Variants in SEMA6D observed in about 807,000 individuals in gnomAD.
The protein encoded by SEMA6D is semaphorin-6D.
Under a neutral mutation model 106.6 loss-of-function variants are expected in SEMA6D, and 35 were observed. The ratio of observed to expected loss-of-function variants is 0.33; its 90% CI spans 0.25 to 0.44. SEMA6D has a LOEUF of 0.44. SEMA6D is among the 20% of genes least tolerant of loss of function. The pLI is 1.00. For missense variants in SEMA6D, 1,185 were observed against 1,345.9 expected (o/e 0.88, Z 1.87); for synonymous variants, 499 against 487.7 (o/e 1.02, Z -0.31).
intron 3 of SEMA6D, among the ~76,000 whole-genome samples, chr15:47,519,811 A>T: frequency 6.6e-6 from 1 of 152,124 alleles, no homozygotes; most frequent in South Asian, 2.1e-4. Context: ...CCTCTTGGGG[A>T]AGTGGCAAGG....
At chr15:47,601,270 T>A (rs142533957) in intron 4 of SEMA6D, among the ~76,000 whole-genome samples, 465 of 152,244 alleles carry the variant, frequency 3.1e-3, no homozygotes, top group Non-Finnish European at 4.9e-3. Context: ...AAGCCTATTT[T>A]GGAAGAATTA....
In SEMA6D at chr15:47,552,860, A is replaced by T. The variant is rs2045776587; in HGVS notation, c.-86-48005A>T. ...TATATATAAATATATATAAATATAT[A>T]TATATTTTTATATATATATAAATAT... On this transcript the variant is annotated intron_variant, in intron 3 of 19. Coordinates refer to the SEMA6D transcript ENST00000558014. Among the ~76,000 whole-genome samples, 2 of 72,356 alleles carry T rather than the reference A, an allele frequency of 2.8e-5. 1 individual carries two copies. Among genetic ancestry groups the T allele is most frequent in the South Asian group, 7.0e-4 (2 of 2,848 alleles). The allele number at this position is 72,356 out of a possible 152,430, so 47.5% of individuals were successfully genotyped here.
chr15:47,329,144 A>C (rs1055188299), intron 1 of SEMA6D, among the ~76,000 whole-genome samples: 1 of 152,180 alleles, frequency 6.6e-6, no homozygotes, highest in East Asian at 1.9e-4. Flanking sequence ...TTCTGTACTT[A>C]TGGAGCTTGC....
chr15:47,563,107 A>G (rs2046127064), intron 3 of SEMA6D, among the ~76,000 whole-genome samples: 1 of 152,166 alleles, frequency 6.6e-6, no homozygotes, highest in Non-Finnish European at 1.5e-5. Context: ...AATTTCATGT[A>G]TTTCATTTAT....
chr15:47,461,632 A>C (rs1189988289), intron 2 of SEMA6D, among the ~76,000 whole-genome samples: 1 of 152,088 alleles, frequency 6.6e-6, no homozygotes, highest in African/African-American at 2.4e-5. Flanking sequence ...TGAGGTGTAT[A>C]GGATGTTCGG....
At chr15:47,625,261 A>G (rs905690474) in intron 4 of SEMA6D, among the ~76,000 whole-genome samples, 7 of 152,150 alleles carry the variant, frequency 4.6e-5, no homozygotes, top group Non-Finnish European at 8.8e-5. Flanking sequence ...ATGCTATGAT[A>G]ATTGTTAAGG....
At chr15:47,257,778 A>G (rs1178413021) in intron 1 of SEMA6D, among the ~76,000 whole-genome samples, 1 of 151,750 alleles carries the variant, frequency 6.6e-6, no homozygotes, top group Non-Finnish European at 1.5e-5. Context: ...GGATTGTTCT[A>G]TATATGTCAA....
intron 1 of SEMA6D, among the ~76,000 whole-genome samples, chr15:47,321,306 C>T (rs1010014204): frequency 1.3e-5 from 2 of 152,110 alleles, no homozygotes; most frequent in Non-Finnish European, 2.9e-5. Context: ...TTTGGATCTT[C>T]CCCAGAAAGG....
chr15:47,258,398 A>G (rs1393653280), intron 1 of SEMA6D, among the ~76,000 whole-genome samples: 1 of 152,186 alleles, frequency 6.6e-6, no homozygotes, highest in African/African-American at 2.4e-5. Flanking sequence ...AAAGGCTAGC[A>G]TTTGAATCAG....
At chr15:47,641,845 C>A (rs1171018275) in intron 4 of SEMA6D, among the ~76,000 whole-genome samples, 1 of 152,184 alleles carries the variant, frequency 6.6e-6, no homozygotes, top group African/African-American at 2.4e-5. Flanking sequence ...AAAACACTCA[C>A]CCAAAATGTC....
At chr15:47,391,309 C>G (rs1192300058) in intron 1 of SEMA6D, among the ~76,000 whole-genome samples, 1 of 152,204 alleles carries the variant, frequency 6.6e-6, no homozygotes, top group Non-Finnish European at 1.5e-5. Flanking sequence ...GGAACTCTTT[C>G]TTGGGATGGA....
chr15:47,768,253 A>G (rs4775710), intron 17 of SEMA6D, among the ~76,000 whole-genome samples: 21,027 of 152,250 alleles, frequency 0.14, 2,288 homozygotes, highest in East Asian at 0.59. Flanking sequence ...ATGTCTCACA[A>G]GAGAAGGAAG....
intron 1 of SEMA6D, among the ~76,000 whole-genome samples, chr15:47,734,454 G>C (rs1242875978): frequency 2.6e-5 from 4 of 152,124 alleles, no homozygotes; most frequent in Non-Finnish European, 5.9e-5. Context: ...CGAACAAGGA[G>C]AACCACACTT....
chr15:47,493,697 T>G (rs1596145447), intron 3 of SEMA6D, among the ~76,000 whole-genome samples: 1 of 152,288 alleles, frequency 6.6e-6, no homozygotes, highest in Non-Finnish European at 1.5e-5. Flanking sequence ...GTTATATTTT[T>G]GGGAGGTAAA....
At chr15:47,417,073 A>G (rs1425946396) in intron 2 of SEMA6D, among the ~76,000 whole-genome samples, 1 of 152,102 alleles carries the variant, frequency 6.6e-6, no homozygotes, top group Non-Finnish European at 1.5e-5. Flanking sequence ...CTTTTTTATC[A>G]CTAAAGGATT....
intron 1 of SEMA6D, among the ~76,000 whole-genome samples, chr15:47,406,778 C>CAAAAA (rs36102863): frequency 8.9e-6 from 1 of 111,796 alleles, no homozygotes; most frequent in Non-Finnish European, 1.8e-5. Flanking sequence ...TTCTCACCAC[C>CAAAAA]AAAAAAAAAA....
chr15:47,615,888 A>G (rs1362253383), intron 4 of SEMA6D, among the ~76,000 whole-genome samples: 3 of 152,374 alleles, frequency 2.0e-5, no homozygotes, highest in East Asian at 3.9e-4. Flanking sequence ...TTTTAAATCA[A>G]AAGTATACAG....
chr15:47,315,661 G>C (rs532921821), intron 1 of SEMA6D, among the ~76,000 whole-genome samples: 2 of 152,166 alleles, frequency 1.3e-5, no homozygotes, highest in Non-Finnish European at 2.9e-5. Context: ...TATTGGGTTT[G>C]TGTTTAATCT....
intron 3 of SEMA6D, among the ~76,000 whole-genome samples, chr15:47,521,405 A>G (rs2044572544): frequency 6.6e-6 from 1 of 152,106 alleles, no homozygotes; most frequent in African/African-American, 2.4e-5. Flanking sequence ...AATTCTGGAC[A>G]ATCTCTTCAA....
Sources: gnomAD v4.1 joint callset for allele counts (sites outside exome capture counted in the v4.1 genomes callset) on GRCh38, gnomAD v4.1.1 for gene constraint, MANE v1.5 for transcripts, NCBI Gene and HGNC (gene_info 2026-07-23, HGNC 2026-07-21) for gene names.